UGT1A9: variants seen among roughly 807,000 people sequenced by gnomAD.
UGT1A9 encodes UDP-glucuronosyltransferase 1A9.
Under a neutral mutation model 45.0 loss-of-function variants are expected in UGT1A9, and 35 were observed. That is an observed-to-expected ratio of 0.78 (90% CI 0.59 to 1.03). UGT1A9 has a LOEUF of 1.03. Among genes scored for constraint, UGT1A9 ranks in the 50% least tolerant of loss-of-function variants. The pLI is 0.00. For missense variants in UGT1A9, 687 were observed against 666.6 expected (o/e 1.03, Z -0.34); for synonymous variants, 278 against 250.6 (o/e 1.11, Z -1.03).
At chr2:233,762,431 A>G (rs1698072328) in intron 1 of UGT1A9, among the ~76,000 whole-genome samples, 1 of 152,242 alleles carries the variant, frequency 6.6e-6, no homozygotes, top group Non-Finnish European at 1.5e-5. Context: ...ATAGAGTAAC[A>G]GTGTATTCCC....
At chr2:233,719,166 A>G (rs569258363) in intron 1 of UGT1A9, 1 of 1,614,266 alleles carries the variant, frequency 6.2e-7, no homozygotes, top group East Asian at 2.2e-5. Flanking sequence ...AAGTATGGCA[A>G]TTATGAACAA....
At position 233,769,757 on chromosome 2, in the gene UGT1A9, A is replaced by G; in HGVS notation, c.1295+1318A>G. 7.1e-7 allele frequency: 1 copy of G among 1,417,082 alleles called. No individual in the cohort carries two copies. Among genetic ancestry groups the G allele is most frequent in the Non-Finnish European group, 9.2e-7 (1 of 1,082,860 alleles). 87.8% of individuals were successfully genotyped at this position (1,417,082 alleles called of 1,614,324 possible). A position where few individuals can be genotyped will look rare whatever the true frequency, so the allele number is the denominator to read the frequency against. On this transcript the variant is annotated intron_variant, in intron 4 of 4. Coordinates refer to ENST00000354728, the MANE Select transcript of UGT1A9 (RefSeq NM_021027.3). The surrounding 1 kb of genome is among the most constrained non-coding windows in gnomAD (Gnocchi z 4.4). ...GTAGTCCCAGCCACTCTGGAGGCTA[A>G]GGCGGGAGGATTGCTTGAGCCCAGA...
rs1384702379 is a variant in UGT1A9, at chr2:233,760,914, G to A, written c.856-6120G>A. ...CAGATCACATGACCTTCCTGCAGCG[G>A]GTGAAGAACATGCTCATTGCCTTTT... On this transcript the variant is annotated intron_variant, in intron 1 of 4. Transcript: ENST00000354728. The A allele has an allele frequency of 2.5e-6, 4 of 1,614,148 alleles. No individual in the cohort carries two copies. In the African/African-American group the frequency reaches 4.0e-5, roughly 16 times the overall value.
chr2:233,769,948 G>A lies in UGT1A9; in HGVS notation c.1295+1509G>A, dbSNP rs34217924. ...TGTGGTCCCATTCCTTCCTTCCAGC[G>A]GCTTCTTCTGGCCACCTCAATGTCA... On this transcript the variant is annotated intron_variant, in intron 4 of 4. Transcript: ENST00000354728. The surrounding 1 kb of genome is among the most constrained non-coding windows in gnomAD (Gnocchi z 4.4). The A allele has an allele frequency of 2.0e-3, 447 of 222,054 alleles. 3 individuals carry two copies. The highest frequency in any genetic ancestry group is 0.017 in the East Asian group (164 of 9,732). The allele number at this position is 222,054 out of a possible 1,614,324, so 13.8% of individuals were successfully genotyped here. A position where few individuals can be genotyped will look rare whatever the true frequency, so the allele number is the denominator to read the frequency against.
intron 1 of UGT1A9, among the ~76,000 whole-genome samples, chr2:233,720,841 G>C (rs529446200): frequency 2.0e-5 from 3 of 151,096 alleles, no homozygotes; most frequent in African/African-American, 7.3e-5. Context: ...GAGTAACTGG[G>C]ACTGCAGGCA....
intron 1 of UGT1A9, chr2:233,729,155 C>G (rs754518469): frequency 1.9e-6 from 3 of 1,613,596 alleles, no homozygotes; most frequent in South Asian, 1.1e-5. Context: ...GTTCCCCTGC[C>G]GTGGCTGGCC....
At chr2:233,749,028 G>A (rs564218690) in intron 1 of UGT1A9, among the ~76,000 whole-genome samples, 2 of 151,604 alleles carry the variant, frequency 1.3e-5, no homozygotes, top group Non-Finnish European at 2.9e-5. Flanking sequence ...AATATTTGGG[G>A]TTCATTGATG....
At chr2:233,682,924 T>A in intron 1 of UGT1A9, 1 of 1,470,534 alleles carries the variant, frequency 6.8e-7, no homozygotes, top group South Asian at 1.4e-5. Context: ...AATTCTTTTG[T>A]ACCAATTCAC....
At chr2:233,772,175 T>G in intron 4 of UGT1A9, 87 bp from the exon 5 acceptor site, 1 of 1,580,518 alleles carries the variant, frequency 6.3e-7, no homozygotes, top group Non-Finnish European at 8.6e-7. Context: ...GAAAATCTGG[T>G]AGTCTTCTTA....
At chr2:233,747,265 C>T in intron 1 of UGT1A9, 1 of 1,599,630 alleles carries the variant, frequency 6.3e-7, no homozygotes, top group Non-Finnish European at 8.5e-7. Context: ...AGGAGTGCTA[C>T]TCCTTCTCAG....
chr2:233,672,888 A>C, intron 1 of UGT1A9, 99 bp downstream of exon 1: 1 of 1,512,682 alleles, frequency 6.6e-7, no homozygotes, highest in Non-Finnish European at 8.8e-7. Flanking sequence ...CATTTGTTTC[A>C]TTTCAAATTT....
chr2:233,751,391 A>G (rs1477667065), intron 1 of UGT1A9, among the ~76,000 whole-genome samples: 1 of 152,112 alleles, frequency 6.6e-6, no homozygotes, highest in African/African-American at 2.4e-5. Flanking sequence ...TGTCTCAGAT[A>G]AGACTTTGGA....
intron 1 of UGT1A9, among the ~76,000 whole-genome samples, chr2:233,722,899 G>T (rs1015320069): frequency 7.8e-6 from 1 of 128,092 alleles, no homozygotes; most frequent in South Asian, 3.1e-4. Flanking sequence ...AGTGGAAGTG[G>T]ATCATCATAA....
intron 1 of UGT1A9, among the ~76,000 whole-genome samples, chr2:233,676,898 G>A (rs1367160670): frequency 2.0e-5 from 3 of 152,076 alleles, no homozygotes; most frequent in South Asian, 2.1e-4. Context: ...ATCTGTGCAC[G>A]TATTTCTAGA....
intron 1 of UGT1A9, among the ~76,000 whole-genome samples, chr2:233,694,945 T>C (rs1470769009): frequency 1.3e-5 from 2 of 152,242 alleles, no homozygotes; most frequent in Non-Finnish European, 2.9e-5. Context: ...GTAATTGAGA[T>C]ATCCATCACC....
intron 1 of UGT1A9, among the ~76,000 whole-genome samples, chr2:233,728,669 T>C (rs1349775872): frequency 3.9e-5 from 6 of 152,276 alleles, no homozygotes; most frequent in Admixed American, 3.9e-4. Context: ...GCGTTACTCA[T>C]ACATGAGAAG....
rs200710764 is a variant in UGT1A9, at chr2:233,747,984, C to T, written c.856-19050C>T. ...CAGCCATGCATCTGTGTGGCTGTTC[C>T]GAGGGGACTTTGTGATGGATTACCC... On this transcript the variant is annotated intron_variant, in intron 1 of 4. Transcript: ENST00000354728. 917 of 1,613,424 alleles carry T rather than the reference C, an allele frequency of 5.7e-4. 5 individuals carry two copies. The highest frequency in any genetic ancestry group is 6.2e-4 in the Non-Finnish European group (735 of 1,179,898).
chr2:233,682,815 C>A (rs1223109916), intron 1 of UGT1A9: 3 of 1,581,138 alleles, frequency 1.9e-6, no homozygotes, highest in Admixed American at 3.7e-5. Context: ...CCCTTTAGCA[C>A]ATTAAGAATA....
intron 1 of UGT1A9, chr2:233,719,283 A>G: frequency 1.2e-6 from 2 of 1,614,074 alleles, no homozygotes; most frequent in Non-Finnish European, 1.7e-6. Flanking sequence ...AGACCCCGTT[A>G]ACCTCTGTGG....
Sources: allele counts gnomAD v4.1 joint callset (sites outside exome capture counted in the v4.1 genomes callset), GRCh38; gene constraint gnomAD v4.1.1; non-coding constraint Gnocchi (gnomAD v3.1); transcripts MANE v1.5; gene names NCBI Gene and HGNC (gene_info 2026-07-23, HGNC 2026-07-21).